Variants in ASXL1 observed in about 807,000 individuals in gnomAD.
ASXL1 encodes polycomb group protein ASXL1.
Under a neutral mutation model 89.1 loss-of-function variants are expected in ASXL1, and 65 were observed. The observed-to-expected ratio is 0.73, with a 90% CI of 0.60 to 0.90. The LOEUF is 0.90. Ranked by LOEUF, ASXL1 falls within the 40% of genes least tolerant of loss-of-function variation. The pLI is 0.00. For synonymous variants in ASXL1, 739 were observed against 746.9 expected, an observed-to-expected ratio of 0.99 and a Z score of 0.17; for missense variants, 1,786 against 1,942.9, an observed-to-expected ratio of 0.92 and a Z score of 1.52.
chr20:32,428,652 CTTTTTTTTTTTTTTTT>C (rs35966674), intron 6 of ASXL1: 4 of 147,904 alleles, frequency 2.7e-5, no homozygotes, highest in Admixed American at 1.3e-4. Context: ...TTTGTTCATT[CTTTTTTTTTTTTTTTT>C]TTTTTTTTTT....
At chr20:32,392,494 C>CTGATCTTGAACTCTTGACCTCG (rs2048690259) in intron 4 of ASXL1, among the ~76,000 whole-genome samples, 1 of 148,864 alleles carries the variant, frequency 6.7e-6, no homozygotes, top group South Asian at 2.1e-4. Context: ...GTTGGCCAGG[C>CTGATCTTGAACTCTTGACCTCG]TGATCTTGAA....
intron 2 of ASXL1, among the ~76,000 whole-genome samples, chr20:32,366,798 T>G (rs1325618783): frequency 6.6e-6 from 1 of 152,204 alleles, no homozygotes; most frequent in African/African-American, 2.4e-5. Flanking sequence ...GCCTCTATTG[T>G]GCCTAACGCT....
chr20:32,406,377 A>G (rs2048955508), intron 4 of ASXL1, among the ~76,000 whole-genome samples: 1 of 151,720 alleles, frequency 6.6e-6, no homozygotes, highest in South Asian at 2.1e-4. Flanking sequence ...TCAAAACCCC[A>G]TCTATATGGG....
intron 8 of ASXL1, chr20:32,431,116 G>A (rs2011499139): frequency 1.4e-6 from 1 of 716,728 alleles, no homozygotes; most frequent in East Asian, 2.7e-5. Flanking sequence ...CTGAGGAGAT[G>A]CAACCCCAAG....
chr20:32,359,323 A>G, intron 1 of ASXL1: 1 of 702,560 alleles, frequency 1.4e-6, no homozygotes, highest in Non-Finnish European at 2.6e-6. Flanking sequence ...GAGCTTTCCC[A>G]ATCTAAACCA....
At chr20:32,420,266 A>G (rs1046863558) in intron 4 of ASXL1, among the ~76,000 whole-genome samples, 2 of 152,092 alleles carry the variant, frequency 1.3e-5, no homozygotes, top group Non-Finnish European at 2.9e-5. Flanking sequence ...GCCTTCTCCT[A>G]AGAGATAGTA....
At chr20:32,421,285 C>T (rs1426382836) in intron 4 of ASXL1, among the ~76,000 whole-genome samples, 1 of 145,578 alleles carries the variant, frequency 6.9e-6, no homozygotes. Context: ...CATCTTTAGA[C>T]ATTAGGCAAA....
At chr20:32,361,495 G>A (rs1054773001) in intron 1 of ASXL1, among the ~76,000 whole-genome samples, 1 of 151,338 alleles carries the variant, frequency 6.6e-6, no homozygotes. Context: ...AAAATTAGCC[G>A]GGTGTGGTGG....
At position 32,433,639 on chromosome 20, in the gene ASXL1, T is replaced by A. The variant is rs2123263146; in HGVS notation, c.1441T>A (p.Phe481Ile). Reference protein sequence around the residue: ...SAAPDLEGPEFPVESVASRIQ... With the variant: ...SAAPDLEGPEIPVESVASRIQ... ...AGCACCCGACCTGGAGGGTCCCGAA[T>A]TCCCAGTTGAGTCTGTGGCTTCTCG... is the stretch of plus-strand genomic sequence containing the variant. Residue 481 changes from phenylalanine to isoleucine, a missense_variant, in exon 12 of 13, where the codon TTC (phenylalanine) becomes ATC (isoleucine). Transcript: ENST00000375687. The A allele has an allele frequency of 6.2e-7, 1 of 1,612,612 alleles. No homozygotes were observed. The highest frequency in any genetic ancestry group is 8.5e-7 in the Non-Finnish European group (1 of 1,178,718).
At chr20:32,376,344 G>C (rs926293076) in intron 4 of ASXL1, among the ~76,000 whole-genome samples, 1 of 151,650 alleles carries the variant, frequency 6.6e-6, no homozygotes. Flanking sequence ...GCGCAATCTC[G>C]GCTCACTGTA....
intron 4 of ASXL1, among the ~76,000 whole-genome samples, chr20:32,395,342 C>T (rs547516940): frequency 6.6e-6 from 1 of 152,248 alleles, no homozygotes; most frequent in Admixed American, 6.5e-5. Context: ...CTGTCTCTAG[C>T]TTGCATTATT....
chr20:32,433,200 GTGTTTC>G, intron 11 of ASXL1, 78 bp from the exon 12 acceptor site: 1 of 1,592,102 alleles, frequency 6.3e-7, no homozygotes, highest in Non-Finnish European at 8.6e-7. Flanking sequence ...TGAGATATCT[GTGTTTC>G]TGGGTCCATA....
intron 4 of ASXL1, among the ~76,000 whole-genome samples, chr20:32,380,607 AG>A (rs1384440752): frequency 2.6e-5 from 4 of 152,138 alleles, no homozygotes; most frequent in African/African-American, 9.7e-5. Flanking sequence ...AAAATTAGCC[AG>A]GTGTGGTAGC....
At chr20:32,427,851 T>C in intron 4 of ASXL1, 1 of 418,210 alleles carries the variant, frequency 2.4e-6, no homozygotes, top group Non-Finnish European at 4.5e-6. Context: ...TGATTCCTGC[T>C]CCTTAGCACT....
At position 32,435,952 on chromosome 20, in the gene ASXL1, A is replaced by C; in HGVS notation, c.3240A>C (p.Leu1080=). Residue 1080 remains leucine, a synonymous_variant, in exon 13 of 13, where the codon CTA becomes CTC. Transcript: ENST00000375687. Reference sequence around the variant, plus strand: ...TCCGCCAAAAGATCCCAGATTCCCTACTGCTGGCCAGTACTGAGTACCAGC... The same window carrying C: ...TCCGCCAAAAGATCCCAGATTCCCTCCTGCTGGCCAGTACTGAGTACCAGC... The part of the protein sequence containing the change: ...CAVRQKIPDS[L]LLASTEYQPR... The C allele has an allele frequency of 6.2e-7, 1 of 1,614,092 alleles. No individual in the cohort carries two copies. Among genetic ancestry groups the C allele is most frequent in the Non-Finnish European group, 8.5e-7 (1 of 1,180,022 alleles).
chr20:32,364,473 C>T (rs1428340201), intron 1 of ASXL1, among the ~76,000 whole-genome samples: 1 of 152,156 alleles, frequency 6.6e-6, no homozygotes, highest in Non-Finnish European at 1.5e-5. Flanking sequence ...CCACCTTGGC[C>T]TCCCAAAGTG....
chr20:32,390,059 CTTAAGTTGAAAATA>C (rs1461893859), intron 4 of ASXL1, among the ~76,000 whole-genome samples: 2 of 152,146 alleles, frequency 1.3e-5, no homozygotes. Flanking sequence ...GTAAGCCCAC[CTTAAGTTGAAAATA>C]TTAAGTTGAA....
rs1044561575 is a variant in ASXL1 at position 32,429,172 on chromosome 20, C to T, written c.472-166C>T. ...ATGATGCTTGGCACAGTGACCAGCA[C>T]GTAGCTCAGTAACATTAACCAGTGC... On this transcript the variant is annotated intron_variant, in intron 6 of 12. Transcript: ENST00000375687. The surrounding 1 kb of genome is among the most constrained non-coding windows in gnomAD (Gnocchi z 4.9). 10 of 709,562 alleles carry T rather than the reference C, an allele frequency of 1.4e-5. No individual in the cohort carries two copies. The highest frequency in any genetic ancestry group is 8.8e-5 in the African/African-American group (5 of 56,978). 44.0% of individuals were successfully genotyped at this position (709,562 alleles called of 1,614,324 possible). A position where few individuals can be genotyped will look rare whatever the true frequency, so the allele number is the denominator to read the frequency against.
intron 4 of ASXL1, among the ~76,000 whole-genome samples, chr20:32,377,972 C>CTCTGTGTGTGTGTGTGTGTGTGTG (rs2048414691): frequency 8.7e-6 from 1 of 115,340 alleles, no homozygotes; most frequent in Non-Finnish European, 1.7e-5. Context: ...AGTTTTGACT[C>CTCTGTGTGTGTGTGTGTGTGTGTG]TGTGTGTGTG....
Sources: gnomAD v4.1 joint callset for allele counts (sites outside exome capture counted in the v4.1 genomes callset) on GRCh38, gnomAD v4.1.1 for gene constraint, Gnocchi (gnomAD v3.1) non-coding constraint, MANE v1.5 for transcripts, NCBI Gene and HGNC (gene_info 2026-07-23, HGNC 2026-07-21) for gene names.